Variants in KCNK2 observed in about 807,000 individuals in gnomAD.
The protein encoded by KCNK2 is potassium two pore domain channel subfamily K member 2, also known as potassium channel subfamily K member 2.
A neutral mutation model predicts 40.5 loss-of-function variants in KCNK2; 21 were observed. The observed-to-expected ratio is 0.52, with a 90% CI of 0.37 to 0.75. KCNK2 has a LOEUF of 0.75. Among genes scored for constraint, KCNK2 ranks in the 30% least tolerant of loss-of-function variants. The pLI is 0.00. For synonymous variants in KCNK2, 191 were observed against 202.2 expected (o/e 0.94, Z 0.47); for missense variants, 399 against 531.6 (o/e 0.75, Z 2.45).
At chr1:215,201,621 A>T (rs1665083834) in intron 6 of KCNK2, among the ~76,000 whole-genome samples, 1 of 152,190 alleles carries the variant, frequency 6.6e-6, no homozygotes, top group South Asian at 2.1e-4. Flanking sequence ...AAAAAGTGCT[A>T]TTAAGTTCTT....
chr1:215,137,200 A>G (rs1247772753), intron 3 of KCNK2, among the ~76,000 whole-genome samples: 1 of 152,228 alleles, frequency 6.6e-6, no homozygotes, highest in Non-Finnish European at 1.5e-5. Context: ...CATTTAGAGT[A>G]TTGTACCAAT....
chr1:215,234,697 C>A, intron 6 of KCNK2, 131 bp from the exon 7 acceptor site: 1 of 782,266 alleles, frequency 1.3e-6, no homozygotes, highest in South Asian at 1.7e-5. Context: ...AATTCTCAGA[C>A]CACCAGTGCT....
At chr1:215,142,870 C>T (rs1057109117) in intron 3 of KCNK2, among the ~76,000 whole-genome samples, 2 of 151,954 alleles carry the variant, frequency 1.3e-5, no homozygotes, top group Admixed American at 1.3e-4. Context: ...TCCTGGGTTC[C>T]AGCATTTGCT....
At position 215,206,901 on chromosome 1, in the gene KCNK2, C is replaced by T. The variant is rs181477254; in HGVS notation, c.963+11809C>T. On this transcript the variant is annotated intron_variant, in intron 6 of 6. Coordinates refer to ENST00000444842, the MANE Select transcript of KCNK2 (RefSeq NM_001017425.3). ...AATTACAGAGCAGAAAATAAAAACT[C>T]CATGCTTGGTAATCAGACAGTGCTG... Among the ~76,000 whole-genome samples, 23 of 152,266 alleles carry T rather than the reference C, an allele frequency of 1.5e-4. No individual in the cohort carries two copies. The South Asian group carries it at 2.1e-3, about 14-fold the overall frequency.
chr1:215,201,590 T>C (rs1401387377), intron 6 of KCNK2, among the ~76,000 whole-genome samples: 2 of 152,170 alleles, frequency 1.3e-5, no homozygotes, highest in Non-Finnish European at 2.9e-5. Flanking sequence ...AATGTTGAGT[T>C]CCTAAATTAT....
At chr1:215,022,930 T>C (rs1656859028) in intron 1 of KCNK2, among the ~76,000 whole-genome samples, 1 of 152,190 alleles carries the variant, frequency 6.6e-6, no homozygotes, top group African/African-American at 2.4e-5. Context: ...AGGCCATGAA[T>C]CTAAAAGAGA....
chr1:215,199,738 A>G (rs1665007140), intron 6 of KCNK2, among the ~76,000 whole-genome samples: 1 of 152,188 alleles, frequency 6.6e-6, no homozygotes, highest in Non-Finnish European at 1.5e-5. Flanking sequence ...GATATTCTGG[A>G]TAATACAATA....
chr1:215,210,064 T>C lies in KCNK2; in HGVS notation c.963+14972T>C, dbSNP rs567593437. On this transcript the variant is annotated intron_variant, in intron 6 of 6. Coordinates refer to ENST00000444842, the MANE Select transcript of KCNK2 (RefSeq NM_001017425.3). ...ATATAATATATATATACACACACTA[T>C]ACAAATACACTATAGATATGCTATA... Among the ~76,000 whole-genome samples, 30 of 61,848 alleles carry C rather than the reference T, an allele frequency of 4.9e-4. No individual in the cohort carries two copies. In the South Asian group the frequency reaches 0.025, roughly 52 times the overall value. 40.6% of individuals were successfully genotyped at this position (61,848 alleles called of 152,430 possible). A position where few individuals can be genotyped will look rare whatever the true frequency, so the allele number is the denominator to read the frequency against.
rs74621928 is a variant in KCNK2, at chr1:215,226,276, G to T, written c.964-8552G>T. 7.1e-3 allele frequency among the ~76,000 whole-genome samples: 1,082 copies of T among 152,224 alleles called. 23 individuals are homozygous for T. The highest frequency in any genetic ancestry group is 0.07 in the South Asian group (338 of 4,816). Reference sequence around the variant, plus strand: ...AAGATGTTAGTGATTCTTCTGAAGTGAAATTGTTAACATATCTTTTTTGTT... The same window carrying T: ...AAGATGTTAGTGATTCTTCTGAAGTTAAATTGTTAACATATCTTTTTTGTT... On this transcript the variant is annotated intron_variant, in intron 6 of 6. Transcript: ENST00000444842.
intron 6 of KCNK2, among the ~76,000 whole-genome samples, chr1:215,224,038 C>A (rs1360440475): frequency 1.3e-5 from 2 of 152,050 alleles, no homozygotes; most frequent in Non-Finnish European, 2.9e-5. Context: ...TAGAATTAGT[C>A]TAAATTTGAG....
chr1:215,210,845 AC>A (rs1287921254), intron 6 of KCNK2, among the ~76,000 whole-genome samples: 1 of 73,140 alleles, frequency 1.4e-5, no homozygotes, highest in Non-Finnish European at 3.0e-5. Flanking sequence ...AGAAGGTACT[AC>A]CCCGACTTAT....
At chr1:215,045,605 T>C (rs1054304641) in intron 1 of KCNK2, among the ~76,000 whole-genome samples, 2 of 152,180 alleles carry the variant, frequency 1.3e-5, no homozygotes, top group African/African-American at 2.4e-5. Context: ...TAACCCTTGT[T>C]TGGTTTGATA....
chr1:215,146,562 G>A (rs1222705838), intron 3 of KCNK2, among the ~76,000 whole-genome samples: 1 of 152,118 alleles, frequency 6.6e-6, no homozygotes, highest in Non-Finnish European at 1.5e-5. Context: ...TTTAATCAAT[G>A]CATTTGTTTT....
intron 6 of KCNK2, among the ~76,000 whole-genome samples, chr1:215,205,641 C>T (rs1558138155): frequency 6.6e-6 from 1 of 152,084 alleles, no homozygotes; most frequent in East Asian, 1.9e-4. Context: ...AGCCTGGGTC[C>T]CTGAGTAACT....
intron 3 of KCNK2, among the ~76,000 whole-genome samples, chr1:215,145,397 T>C (rs1662369304): frequency 6.6e-6 from 1 of 152,164 alleles, no homozygotes; most frequent in Admixed American, 6.6e-5. Flanking sequence ...CTCTAGAGCC[T>C]GAAGTCTTAA....
At chr1:215,157,002 G>C (rs1025355343) in intron 3 of KCNK2, among the ~76,000 whole-genome samples, 6 of 152,204 alleles carry the variant, frequency 3.9e-5, no homozygotes, top group Admixed American at 3.9e-4. Flanking sequence ...AGTGAGCCGA[G>C]ATTGCACCAT....
rs1659543442 is a variant in KCNK2, at chr1:215,088,316, A to C, written c.357+1638A>C. Among the ~76,000 whole-genome samples the C allele has an allele frequency of 2.6e-5, 4 of 152,332 alleles. No homozygotes were observed. The South Asian group carries it at 8.3e-4, about 32-fold the overall frequency. ...TTGAACTGCAGTTGAGTGCTTTATT[A>C]GAAGTGTCATCTTAAACAAGTAGTT... On this transcript the variant is annotated intron_variant, in intron 2 of 6. Coordinates refer to ENST00000444842, the MANE Select transcript of KCNK2 (RefSeq NM_001017425.3).
chr1:215,195,171 A>T, intron 6 of KCNK2, 79 bp downstream of exon 6: 5 of 1,109,632 alleles, frequency 4.5e-6, no homozygotes, highest in Non-Finnish European at 6.3e-6. Flanking sequence ...TTATGTTTAC[A>T]TTTAAAATAT....
chr1:215,169,701 A>G (rs921830405), intron 4 of KCNK2, among the ~76,000 whole-genome samples: 1 of 151,814 alleles, frequency 6.6e-6, no homozygotes, highest in Admixed American at 6.6e-5. Flanking sequence ...CAATGGTACA[A>G]TGGGTGCAAT....
Sources: allele counts gnomAD v4.1 joint callset (sites outside exome capture counted in the v4.1 genomes callset), GRCh38; gene constraint gnomAD v4.1.1; transcripts MANE v1.5; gene names NCBI Gene and HGNC (gene_info 2026-07-23, HGNC 2026-07-21).